Variants in DACH1 observed in about 807,000 individuals in gnomAD.
DACH1 encodes the protein dachshund family transcription factor 1.
A neutral mutation model predicts 54.2 loss-of-function variants in DACH1; 12 were observed. The ratio of observed to expected loss-of-function variants is 0.22; its 90% CI spans 0.14 to 0.36. The LOEUF is 0.36. DACH1 is among the 10% of genes least tolerant of loss of function. The pLI is 1.00. For synonymous variants in DACH1, 386 were observed against 366.2 expected (o/e 1.05, Z -0.62); for missense variants, 805 against 929.8 (o/e 0.87, Z 1.75).
At chr13:71,525,478 T>C (rs1188774481) in intron 6 of DACH1, among the ~76,000 whole-genome samples, 1 of 152,158 alleles carries the variant, frequency 6.6e-6, no homozygotes, top group Non-Finnish European at 1.5e-5. Context: ...CAATATAAAT[T>C]ATTTTCCCCA....
chr13:71,708,768 A>G (rs1440706340), intron 1 of DACH1, among the ~76,000 whole-genome samples: 1 of 151,812 alleles, frequency 6.6e-6, no homozygotes, highest in Non-Finnish European at 1.5e-5. Context: ...TTCTACATCC[A>G]ATTCTTCTCT....
intron 1 of DACH1, among the ~76,000 whole-genome samples, chr13:71,717,504 TCACACACACA>T (rs3221998): frequency 5.0e-4 from 71 of 142,884 alleles, no homozygotes; most frequent in South Asian, 1.2e-3. Context: ...GTGTGTGTAA[TCACACACACA>T]CACACACACA....
At chr13:71,701,612 T>C (rs946671621) in intron 1 of DACH1, among the ~76,000 whole-genome samples, 8 of 152,056 alleles carry the variant, frequency 5.3e-5, no homozygotes, top group Admixed American at 1.3e-4. Context: ...AGGAAGTAAC[T>C]AGGGTTTGGA....
chr13:71,825,530 A>G (rs938015561), intron 1 of DACH1, among the ~76,000 whole-genome samples: 1 of 152,120 alleles, frequency 6.6e-6, no homozygotes, highest in South Asian at 2.1e-4. Flanking sequence ...ATTCTGGTCA[A>G]TTTCTACAAA....
chr13:71,756,099 C>T (rs758851542), intron 1 of DACH1, among the ~76,000 whole-genome samples: 16 of 152,040 alleles, frequency 1.1e-4, no homozygotes, highest in Admixed American at 4.6e-4. Flanking sequence ...AGCCCGATCT[C>T]GGCTCACTGC....
chr13:71,605,268 T>C (rs764204616), intron 3 of DACH1, among the ~76,000 whole-genome samples: 1 of 151,894 alleles, frequency 6.6e-6, no homozygotes, highest in Non-Finnish European at 1.5e-5. Flanking sequence ...AAACTTACAC[T>C]ACTCAACATA....
intron 1 of DACH1, among the ~76,000 whole-genome samples, chr13:71,855,086 AT>A (rs1215121062): frequency 6.6e-6 from 1 of 151,938 alleles, no homozygotes; most frequent in East Asian, 1.9e-4. Context: ...CAATTGTAAT[AT>A]TTTTCCTCTA....
At chr13:71,524,662 C>T (rs1217324928) in intron 6 of DACH1, among the ~76,000 whole-genome samples, 1 of 151,926 alleles carries the variant, frequency 6.6e-6, no homozygotes, top group Non-Finnish European at 1.5e-5. Context: ...GAAGGGATTG[C>T]TTTTTTTCTT....
At chr13:71,760,895 T>C (rs999896273) in intron 1 of DACH1, among the ~76,000 whole-genome samples, 2 of 152,266 alleles carry the variant, frequency 1.3e-5, no homozygotes, top group African/African-American at 4.8e-5. Flanking sequence ...TTCATAAACA[T>C]CAGAGAATTT....
chr13:71,642,145 G>A (rs1201344755), intron 2 of DACH1, among the ~76,000 whole-genome samples: 1 of 152,166 alleles, frequency 6.6e-6, no homozygotes, highest in Non-Finnish European at 1.5e-5. Context: ...CGCAATGTCT[G>A]TAGTTATACT....
intron 1 of DACH1, among the ~76,000 whole-genome samples, chr13:71,686,288 TTTAATATCCCAAACAC>T (rs1285581910): frequency 3.3e-5 from 5 of 152,142 alleles, no homozygotes; most frequent in Admixed American, 1.3e-4. Flanking sequence ...CACATCCACA[TTTAATATCCCAAACAC>T]TAGGGAACTC....
At chr13:71,675,916 C>T (rs1255786539) in intron 2 of DACH1, among the ~76,000 whole-genome samples, 1 of 152,096 alleles carries the variant, frequency 6.6e-6, no homozygotes, top group African/African-American at 2.4e-5. Flanking sequence ...AGTTGTACTA[C>T]ATGCAAGTAC....
intron 4 of DACH1, among the ~76,000 whole-genome samples, chr13:71,570,381 G>A (rs550317792): frequency 2.6e-5 from 4 of 152,068 alleles, no homozygotes; most frequent in Admixed American, 2.0e-4. Context: ...AAAATAATAA[G>A]GGCACCATGA....
intron 1 of DACH1, among the ~76,000 whole-genome samples, chr13:71,850,565 A>G (rs1264800031): frequency 1.3e-5 from 2 of 152,236 alleles, no homozygotes; most frequent in Non-Finnish European, 2.9e-5. Flanking sequence ...AAAGTCAATA[A>G]GAAACTACTT....
intron 1 of DACH1, among the ~76,000 whole-genome samples, chr13:71,794,476 T>C (rs1243914520): frequency 2.6e-5 from 4 of 152,194 alleles, no homozygotes; most frequent in Non-Finnish European, 5.9e-5. Flanking sequence ...TCTTGCTTTG[T>C]CGCCCAGGCT....
intron 3 of DACH1, among the ~76,000 whole-genome samples, chr13:71,627,969 AACCTT>A (rs1876787761): frequency 6.6e-6 from 1 of 152,098 alleles, no homozygotes; most frequent in Admixed American, 6.6e-5. Flanking sequence ...CCAATCTACC[AACCTT>A]ACTGATGACC....
At chr13:71,751,713 T>C (rs1236698699) in intron 1 of DACH1, among the ~76,000 whole-genome samples, 4 of 152,206 alleles carry the variant, frequency 2.6e-5, no homozygotes, top group South Asian at 2.1e-4. Context: ...TTTTAAATAA[T>C]AGAAAAATAT....
chr13:71,497,866 ACACACAC>A, intron 6 of DACH1, among the ~76,000 whole-genome samples: 1 of 2,568 alleles, frequency 3.9e-4, no homozygotes, highest in Non-Finnish European at 2.5e-3. Context: ...GTTGACACAC[ACACACAC>A]ACACACACAC....
chr13:71,485,984 T>C, intron 7 of DACH1, among the ~76,000 whole-genome samples: 1 of 151,956 alleles, frequency 6.6e-6, no homozygotes, highest in South Asian at 2.1e-4. Flanking sequence ...TTTTATAAAT[T>C]TAAATTTTAA....
Sources: gnomAD v4.1 joint callset for allele counts (sites outside exome capture counted in the v4.1 genomes callset) on GRCh38, gnomAD v4.1.1 for gene constraint, MANE v1.5 for transcripts, NCBI Gene and HGNC (gene_info 2026-07-23, HGNC 2026-07-21) for gene names.